Variants in ITK observed in about 807,000 individuals in gnomAD.
ITK encodes IL2 inducible T cell kinase.
Under a neutral mutation model 87.6 loss-of-function variants are expected in ITK, and 45 were observed. That is an observed-to-expected ratio of 0.51 (90% confidence interval 0.40 to 0.66). The LOEUF is 0.66. Among genes scored for constraint, ITK ranks in the 30% least tolerant of loss-of-function variants. The probability of loss-of-function intolerance (pLI) is 0.00; values close to 1 mark genes in which losing one functional copy is unlikely to be tolerated. For synonymous variants in ITK, 303 were observed against 273.6 expected (o/e 1.11, Z -1.06); for missense variants, 605 against 766.3 (o/e 0.79, Z 2.48).
At chr5:157,223,677 A>G (rs1327804125) in intron 6 of ITK, among the ~76,000 whole-genome samples, 1 of 152,144 alleles carries the variant, frequency 6.6e-6, no homozygotes, top group Non-Finnish European at 1.5e-5. Flanking sequence ...TATTTTCCAG[A>G]ATCTGAGTTC....
chr5:157,207,377 CTTT>C (rs536290068), intron 1 of ITK, among the ~76,000 whole-genome samples: 30 of 59,130 alleles, frequency 5.1e-4, no homozygotes, highest in African/African-American at 1.6e-3. Context: ...AGATACGTCT[CTTT>C]TTTTTTTTTT....
intron 8 of ITK, among the ~76,000 whole-genome samples, chr5:157,232,713 T>G (rs186494639): frequency 5.3e-5 from 8 of 152,374 alleles, no homozygotes; most frequent in Admixed American, 3.9e-4. Flanking sequence ...GGATTAACGA[T>G]AGTTTTCATG....
At chr5:157,213,016 A>T (rs964800953) in intron 3 of ITK, among the ~76,000 whole-genome samples, 50 of 152,242 alleles carry the variant, frequency 3.3e-4, no homozygotes, top group African/African-American at 1.2e-3. Context: ...ATTCATTGAG[A>T]CAGTGTATTA....
chr5:157,223,178 C>A (rs1228998429), intron 6 of ITK, among the ~76,000 whole-genome samples, 164 bp downstream of exon 6: 2 of 152,268 alleles, frequency 1.3e-5, no homozygotes, highest in Middle Eastern at 3.4e-3. Context: ...AGTTGAGGCT[C>A]ATTTTTCCTC....
At chr5:157,233,658 CTG>C (rs781216087) in intron 8 of ITK, among the ~76,000 whole-genome samples, 6 of 152,126 alleles carry the variant, frequency 3.9e-5, no homozygotes, top group African/African-American at 9.7e-5. Flanking sequence ...CGCTGCCAGG[CTG>C]TGTTATTGGA....
At position 157,222,937 on chromosome 5, in the gene ITK, C is replaced by T. The variant is rs764897415; in HGVS notation, c.570C>T (p.Leu190=). The stretch of plus-strand genomic sequence containing the variant: ...ACCAAACCAATGATCCTCAGGAACT[C>T]GCACTGCGGCGCAACGAAGAGTACT... The part of the protein sequence containing the change: ...YDYQTNDPQE[L]ALRRNEEYCL... The change falls in exon 6 of 17, where the codon CTC becomes CTT. Residue 190 remains leucine, a synonymous_variant. Transcript: ENST00000422843. 17 of 1,614,074 alleles carry T rather than the reference C, an allele frequency of 1.1e-5. No homozygotes were observed. Among genetic ancestry groups the T allele is most frequent in the Middle Eastern group, 1.6e-4 (1 of 6,062 alleles).
chr5:157,203,282 T>A (rs1241322891), intron 1 of ITK, among the ~76,000 whole-genome samples: 1 of 152,210 alleles, frequency 6.6e-6, no homozygotes, highest in Non-Finnish European at 1.5e-5. Flanking sequence ...TGGCCCTCCA[T>A]AAATATTTCC....
chr5:157,183,039 T>C (rs556199987), intron 1 of ITK, among the ~76,000 whole-genome samples: 2 of 152,318 alleles, frequency 1.3e-5, no homozygotes, highest in African/African-American at 2.4e-5. Context: ...ATGTGAGATA[T>C]AGAGAATACA....
chr5:157,239,115 T>A (rs756580078), intron 9 of ITK, among the ~76,000 whole-genome samples: 4 of 151,920 alleles, frequency 2.6e-5, no homozygotes, highest in Non-Finnish European at 4.4e-5. Flanking sequence ...ACCCCACAGG[T>A]ATGACGGAGA....
At chr5:157,242,546 G>C (rs1199075999) in intron 11 of ITK, among the ~76,000 whole-genome samples, 2 of 152,086 alleles carry the variant, frequency 1.3e-5, no homozygotes, top group East Asian at 3.9e-4. Flanking sequence ...CGTAATCATG[G>C]CTCACTGCTG....
chr5:157,188,845 A>T (rs1753696341), intron 1 of ITK, among the ~76,000 whole-genome samples: 1 of 152,134 alleles, frequency 6.6e-6, no homozygotes, highest in African/African-American at 2.4e-5. Context: ...TTTATTTGTT[A>T]GGTTTATGGA....
In ITK at chr5:157,253,619, C is replaced by A. The variant is rs3892245; in HGVS notation, c.*941C>A. ...TTTTTTCCAGCCTCTGGGAATCAGCCCCCCCTCTCTGCACTATCCGATCCT... is the reference window on the plus strand; with the variant it reads ...TTTTTTCCAGCCTCTGGGAATCAGCACCCCCTCTCTGCACTATCCGATCCT... On this transcript the variant is annotated 3_prime_UTR_variant, in exon 17 of 17. Transcript: ENST00000422843. The A allele has an allele frequency of 0.13, 30,032 of 228,052 alleles. 2,154 individuals carry two copies. Among genetic ancestry groups the A allele is most frequent in the African/African-American group, 0.18 (7,988 of 45,088 alleles). The allele number at this position is 228,052 out of a possible 1,614,324, so 14.1% of individuals were successfully genotyped here.
At chr5:157,229,826 A>G (rs1174556179) in intron 7 of ITK, among the ~76,000 whole-genome samples, 1 of 152,188 alleles carries the variant, frequency 6.6e-6, no homozygotes, top group Non-Finnish European at 1.5e-5. Flanking sequence ...AGGCAGGAGA[A>G]TTGCTTGAAC....
chr5:157,210,685 C>A (rs1754172680), intron 2 of ITK, among the ~76,000 whole-genome samples: 1 of 91,018 alleles, frequency 1.1e-5, no homozygotes. Flanking sequence ...CCAATGCTAT[C>A]CCTCCCCCCT....
intron 15 of ITK, among the ~76,000 whole-genome samples, chr5:157,248,326 C>A (rs940024230): frequency 6.6e-6 from 1 of 152,116 alleles, no homozygotes; most frequent in East Asian, 1.9e-4. Flanking sequence ...AATAGACAAG[C>A]AAAAGATGTG....
intron 1 of ITK, among the ~76,000 whole-genome samples, chr5:157,196,803 G>A (rs1367790571): frequency 2.0e-5 from 3 of 152,148 alleles, no homozygotes; most frequent in African/African-American, 7.2e-5. Context: ...TGGTCCTTCA[G>A]TGCTTAAAAA....
intron 1 of ITK, among the ~76,000 whole-genome samples, chr5:157,207,404 T>TTTTTG (rs1754102935): frequency 8.0e-6 from 1 of 125,464 alleles, no homozygotes; most frequent in African/African-American, 2.8e-5. Context: ...TTTTTTTTTT[T>TTTTTG]GAGTCTTGCT....
chr5:157,218,895 G>A (rs555053751), intron 5 of ITK, among the ~76,000 whole-genome samples: 8 of 152,212 alleles, frequency 5.3e-5, no homozygotes, highest in East Asian at 3.9e-4. Flanking sequence ...TGTCCAAAAC[G>A]CTGGGGGAGG....
Position 157,215,738 on chromosome 5 carries a change from G to T in ITK, c.454+1419G>T, listed in dbSNP as rs529755975. 3.1e-3 allele frequency among the ~76,000 whole-genome samples: 465 copies of T among 152,324 alleles called. 1 individual carries two copies. The highest frequency in any genetic ancestry group is 0.011 in the African/African-American group (442 of 41,566). Reference sequence around the variant, plus strand: ...TCACGTGGCCATCAAGGGCCCCAATGTCCTCATCTCAAAAATGGCAGGGAG... The same window carrying T: ...TCACGTGGCCATCAAGGGCCCCAATTTCCTCATCTCAAAAATGGCAGGGAG... On this transcript the variant is annotated intron_variant, in intron 4 of 16. Coordinates refer to ENST00000422843, the MANE Select transcript of ITK (RefSeq NM_005546.4).
Sources: gnomAD v4.1 joint callset for allele counts (sites outside exome capture counted in the v4.1 genomes callset) on GRCh38, gnomAD v4.1.1 for gene constraint, MANE v1.5 for transcripts, NCBI Gene and HGNC (gene_info 2026-07-23, HGNC 2026-07-21) for gene names.